Variants in HELLS observed in about 807,000 individuals in gnomAD.
The protein encoded by HELLS is helicase, lymphoid specific.
Under a neutral mutation model 120.0 loss-of-function variants are expected in HELLS, and 32 were observed. The ratio of observed to expected loss-of-function variants is 0.27; its 90% CI spans 0.20 to 0.36. The LOEUF (loss-of-function observed/expected upper bound fraction) is 0.36, where lower values mean the gene tolerates loss of function less well. Ranked by LOEUF, HELLS falls within the 10% of genes least tolerant of loss-of-function variation. The pLI is 1.00. For synonymous variants in HELLS, 341 were observed against 323.4 expected, an observed-to-expected ratio of 1.05 and a Z score of -0.58; for missense variants, 650 against 993.4, an observed-to-expected ratio of 0.65 and a Z score of 4.65.
chr10:94,605,073 C>CG (rs1564623803), downstream of HELLS, among the ~76,000 whole-genome samples: 2 of 10,028 alleles, frequency 2.0e-4, no homozygotes, highest in Non-Finnish European at 2.6e-4. Flanking sequence ...TCTTGTGTCT[C>CG]CCCCCCCCCC....
chr10:94,575,290 T>G (rs961146882), intron 9 of HELLS, among the ~76,000 whole-genome samples: 1 of 151,574 alleles, frequency 6.6e-6, no homozygotes, highest in Non-Finnish European at 1.5e-5. Flanking sequence ...GTAGAGACGA[T>G]GTCTTGCCAT....
chr10:94,588,044 C>T (rs538942314), intron 12 of HELLS, among the ~76,000 whole-genome samples, 185 bp from the exon 13 acceptor site: 5 of 152,138 alleles, frequency 3.3e-5, no homozygotes, highest in South Asian at 4.2e-4. Context: ...TGAAATGCTG[C>T]GGACAACTGT....
At chr10:94,546,579 G>C (rs1166557049) in intron 2 of HELLS, 81 bp downstream of exon 2, 3 of 1,522,174 alleles carry the variant, frequency 2.0e-6, no homozygotes, top group Non-Finnish European at 2.7e-6. Flanking sequence ...TGTGTTCTTT[G>C]CTTTCCTATT....
intron 10 of HELLS, among the ~76,000 whole-genome samples, chr10:94,579,205 T>TC (rs1844685587): frequency 1.9e-5 from 2 of 106,384 alleles, no homozygotes; most frequent in Admixed American, 9.7e-5. Context: ...TTTTTTCTTT[T>TC]TTTTTTTTTT....
At chr10:94,598,357 G>A (rs955849342) in intron 21 of HELLS, among the ~76,000 whole-genome samples, 37 of 152,102 alleles carry the variant, frequency 2.4e-4, no homozygotes, top group Admixed American at 2.2e-3. Flanking sequence ...GCAGGAGTGC[G>A]ACTATAGCTC....
At chr10:94,571,355 TATTA>T (rs745805062) in intron 6 of HELLS, 29 bp from the exon 7 acceptor site, 2 of 1,404,698 alleles carry the variant, frequency 1.4e-6, no homozygotes, top group Non-Finnish European at 2.0e-6. Context: ...CTTCATACAT[TATTA>T]ATTTGTTTTT....
chr10:94,601,048 T>G (rs1007111133), intron 21 of HELLS, among the ~76,000 whole-genome samples: 2 of 152,040 alleles, frequency 1.3e-5, no homozygotes, highest in Non-Finnish European at 2.9e-5. Context: ...CAAATGAAAA[T>G]CAGATTTCAT....
intron 10 of HELLS, among the ~76,000 whole-genome samples, chr10:94,579,465 AACT>A (rs1482609029): frequency 1.3e-5 from 2 of 151,696 alleles, no homozygotes; most frequent in Non-Finnish European, 2.9e-5. Flanking sequence ...CCTCCCAGAG[AACT>A]ACTACTTTTA....
rs144122894 is a variant in HELLS, at chr10:94,599,116, A to T, written c.2422+2005A>T. 7.7e-3 allele frequency among the ~76,000 whole-genome samples: 1,168 copies of T among 152,194 alleles called. 5 individuals carry two copies. Among genetic ancestry groups the T allele is most frequent in the Middle Eastern group, 0.014 (4 of 294 alleles). ...TTGTTCTTTTTCAAAATTGTTTTAG[A>T]TATTCTGGATTATTTGCATGTTTAT... On this transcript the variant is annotated intron_variant, in intron 21 of 21. Coordinates refer to ENST00000348459, the MANE Select transcript of HELLS (RefSeq NM_018063.5).
intron 12 of HELLS, among the ~76,000 whole-genome samples, chr10:94,586,296 A>AT (rs1407830708): frequency 6.6e-6 from 1 of 151,356 alleles, no homozygotes; most frequent in South Asian, 2.1e-4. Flanking sequence ...AATTTTTTCT[A>AT]TTTTTTAGTA....
chr10:94,589,702 T>TTTTTA (rs1845370829), intron 13 of HELLS, among the ~76,000 whole-genome samples: 2 of 126,400 alleles, frequency 1.6e-5, no homozygotes, highest in African/African-American at 5.8e-5. Flanking sequence ...TTTTTTTTTT[T>TTTTTA]TTGAGACAGA....
chr10:94,574,460 T>C lies in HELLS; in HGVS notation c.706-94T>C, dbSNP rs1030879316. 1.9e-5 allele frequency: 18 copies of C among 953,824 alleles called. No homozygotes were observed. In the African/African-American group the frequency reaches 2.1e-4, roughly 11 times the overall value. The allele number at this position is 953,824 out of a possible 1,614,324, so 59.1% of individuals were successfully genotyped here. ...ATCAGCTTTAACATAATTCTCATCT[T>C]TGGGTGTGATTTTTTAAAGAGAAGA... is the stretch of plus-strand genomic sequence containing the variant. On this transcript the variant is annotated intron_variant, in intron 8 of 21. Transcript: ENST00000348459.
At chr10:94,556,039 G>A (rs1843244948) in intron 3 of HELLS, among the ~76,000 whole-genome samples, 1 of 152,204 alleles carries the variant, frequency 6.6e-6, no homozygotes, top group African/African-American at 2.4e-5. Flanking sequence ...CTGATTTATA[G>A]CTATTCAGTA....
At chr10:94,574,865 C>CT (rs1844354475) in intron 9 of HELLS, 129 bp downstream of exon 9, 1 of 691,350 alleles carries the variant, frequency 1.4e-6, no homozygotes, top group Non-Finnish European at 2.3e-6. Context: ...TCTGATTTGA[C>CT]TTACTCAATC....
chr10:94,564,164 A>G (rs1338296316), intron 6 of HELLS, among the ~76,000 whole-genome samples: 1 of 152,010 alleles, frequency 6.6e-6, no homozygotes, highest in Non-Finnish European at 1.5e-5. Flanking sequence ...CTTTGACTCT[A>G]CCTATTATCT....
At chr10:94,585,776 T>A (rs1181069232) in intron 12 of HELLS, among the ~76,000 whole-genome samples, 1 of 151,808 alleles carries the variant, frequency 6.6e-6, no homozygotes, top group Non-Finnish European at 1.5e-5. Context: ...TGGGTTGTTA[T>A]CTGCAGCCTC....
At chr10:94,547,865 A>G (rs1265282524) in intron 2 of HELLS, among the ~76,000 whole-genome samples, 1 of 152,018 alleles carries the variant, frequency 6.6e-6, no homozygotes, top group Non-Finnish European at 1.5e-5. Flanking sequence ...CTCCAGTAAT[A>G]CTCCTTCCGT....
intron 19 of HELLS, 113 bp from the exon 20 acceptor site, chr10:94,596,747 C>A: frequency 3.4e-6 from 2 of 582,882 alleles, no homozygotes; most frequent in Non-Finnish European, 6.1e-6. Context: ...TATTTTTTAT[C>A]AACACTTTTT....
chr10:94,583,849 C>T, intron 12 of HELLS: 4 of 392,142 alleles, frequency 1.0e-5, no homozygotes, highest in Non-Finnish European at 1.8e-5. Flanking sequence ...TTAATAGCTG[C>T]TTATTATCCC....
Sources: allele counts gnomAD v4.1 joint callset (sites outside exome capture counted in the v4.1 genomes callset), GRCh38; gene constraint gnomAD v4.1.1; transcripts MANE v1.5; gene names NCBI Gene and HGNC (gene_info 2026-07-23, HGNC 2026-07-21).